Variants in PDCD1LG2 observed in about 807,000 individuals in gnomAD.
PDCD1LG2 encodes programmed cell death 1 ligand 2.
PDCD1LG2 carries 32 observed loss-of-function variants against 28.2 expected under a neutral mutation model. The ratio of observed to expected loss-of-function variants is 1.13; its 90% CI spans 0.86 to 1.52. PDCD1LG2 has a LOEUF of 1.52. Ranked by LOEUF, PDCD1LG2 falls within the 40% of genes most tolerant of loss-of-function variation. PDCD1LG2 has a pLI of 0.00. For synonymous variants in PDCD1LG2, 116 were observed against 120.2 expected (o/e 0.97, Z 0.23); for missense variants, 385 against 323.8 (o/e 1.19, Z -1.45).
chr9:5,522,063 C>T (rs1395336339), intron 1 of PDCD1LG2, among the ~76,000 whole-genome samples: 1 of 152,204 alleles, frequency 6.6e-6, no homozygotes, highest in Non-Finnish European at 1.5e-5. Context: ...GCTCAGTCAA[C>T]TAGCAAGTAT....
At chr9:5,537,022 C>G (rs1433778066) in intron 3 of PDCD1LG2, among the ~76,000 whole-genome samples, 1 of 152,192 alleles carries the variant, frequency 6.6e-6, no homozygotes, top group Non-Finnish European at 1.5e-5. Flanking sequence ...ACATTGACAC[C>G]TGATGGAACT....
intron 4 of PDCD1LG2, among the ~76,000 whole-genome samples, chr9:5,556,141 C>T (rs1367887458): frequency 6.6e-6 from 1 of 152,140 alleles, no homozygotes; most frequent in Non-Finnish European, 1.5e-5. Context: ...GGATGTTCAA[C>T]TTTGGAGTCT....
chr9:5,553,480 C>T (rs745585308), intron 4 of PDCD1LG2, among the ~76,000 whole-genome samples: 9 of 152,148 alleles, frequency 5.9e-5, no homozygotes, highest in Non-Finnish European at 1.0e-4. Context: ...AAAGACGCTT[C>T]TTATATAAGA....
In PDCD1LG2 at chr9:5,570,046, C is replaced by T. The variant is rs1286160423; in HGVS notation, c.*87C>T. 3 of 1,556,668 alleles carry T rather than the reference C, an allele frequency of 1.9e-6. No homozygotes were observed. The highest frequency in any genetic ancestry group is 1.7e-5 in the Admixed American group (1 of 57,932). ...AACAAGAATTCGGTGGCCTGCAGAG[C>T]TTGCCATTTGCACTTTTCAAATGCC... On this transcript the variant is annotated 3_prime_UTR_variant, in exon 7 of 7. Transcript: ENST00000397747.
intron 2 of PDCD1LG2, among the ~76,000 whole-genome samples, chr9:5,524,141 T>C (rs1025970313): frequency 3.9e-5 from 6 of 152,234 alleles, no homozygotes; most frequent in East Asian, 1.9e-4. Flanking sequence ...TTCACAATGA[T>C]CATTTTGCAG....
chr9:5,568,797 G>T (rs927707296), intron 6 of PDCD1LG2, among the ~76,000 whole-genome samples: 1 of 152,164 alleles, frequency 6.6e-6, no homozygotes, highest in African/African-American at 2.4e-5. Context: ...CTGTGCCCAT[G>T]AATTTTTAAT....
chr9:5,515,922 CAAA>C (rs1204038026), intron 1 of PDCD1LG2, among the ~76,000 whole-genome samples: 2,506 of 29,724 alleles, frequency 0.084, 12 homozygotes, highest in East Asian at 0.32. Flanking sequence ...GACTCCATCT[CAAA>C]AAAAAAAAAA....
At chr9:5,538,698 A>G (rs1239499387) in intron 3 of PDCD1LG2, among the ~76,000 whole-genome samples, 1 of 151,988 alleles carries the variant, frequency 6.6e-6, no homozygotes, top group Non-Finnish European at 1.5e-5. Flanking sequence ...AAAAAAAGAA[A>G]AAAAAAAAAA....
Position 5,553,843 on chromosome 9 carries a change from C to T in PDCD1LG2, c.632-3775C>T, listed in dbSNP as rs546518984. Among the ~76,000 whole-genome samples, 7 of 152,334 alleles carry T rather than the reference C, an allele frequency of 4.6e-5. No homozygotes were observed. In the South Asian group the frequency reaches 1.4e-3, roughly 32 times the overall value. ...ACCTGGTTTTACCCATCCTTCCCAA[C>T]TTTGTATTCGTCCTACTGTTTACTG... On this transcript the variant is annotated intron_variant, in intron 4 of 6. Transcript: ENST00000397747.
chr9:5,539,578 G>A (rs1820650372), intron 3 of PDCD1LG2, among the ~76,000 whole-genome samples: 1 of 152,214 alleles, frequency 6.6e-6, no homozygotes. Flanking sequence ...TGTGGTTTCT[G>A]AAAAGCCAGG....
At chr9:5,565,665 G>T (rs1377760256) in intron 6 of PDCD1LG2, among the ~76,000 whole-genome samples, 1 of 152,056 alleles carries the variant, frequency 6.6e-6, no homozygotes, top group African/African-American at 2.4e-5. Context: ...AATAAAGTGG[G>T]ATATTAGTGT....
At chr9:5,538,587 C>G (rs2129816797) in intron 3 of PDCD1LG2, among the ~76,000 whole-genome samples, 1 of 151,890 alleles carries the variant, frequency 6.6e-6, no homozygotes, top group South Asian at 2.1e-4. Context: ...ACTGGGGAGG[C>G]TGAGGCAGGA....
chr9:5,511,478 T>C (rs1426158920), intron 1 of PDCD1LG2, among the ~76,000 whole-genome samples: 1 of 152,112 alleles, frequency 6.6e-6, no homozygotes, highest in Non-Finnish European at 1.5e-5. Context: ...GTGGAGGGGA[T>C]GGAGGTGGAG....
At chr9:5,559,455 C>T (rs1816514400) in intron 5 of PDCD1LG2, among the ~76,000 whole-genome samples, 1 of 152,156 alleles carries the variant, frequency 6.6e-6, no homozygotes, top group South Asian at 2.1e-4. Context: ...GTGATGCAGA[C>T]AGAGCTTTAA....
chr9:5,546,592 C>G (rs1397800704), intron 3 of PDCD1LG2, among the ~76,000 whole-genome samples: 1 of 152,174 alleles, frequency 6.6e-6, no homozygotes, highest in Non-Finnish European at 1.5e-5. Flanking sequence ...TTATCTTCTA[C>G]TACTGCTGGG....
intron 4 of PDCD1LG2, among the ~76,000 whole-genome samples, chr9:5,551,229 G>A (rs1040784284): frequency 4.6e-5 from 7 of 152,182 alleles, no homozygotes; most frequent in Non-Finnish European, 8.8e-5. Context: ...TATACTCTCA[G>A]ACTAAAGGAC....
chr9:5,553,898 C>T (rs967208814), intron 4 of PDCD1LG2, among the ~76,000 whole-genome samples: 3 of 152,180 alleles, frequency 2.0e-5, no homozygotes, highest in Non-Finnish European at 4.4e-5. Flanking sequence ...TTAACCATCC[C>T]TTCCTCACCA....
chr9:5,566,182 C>G (rs1816662388), intron 6 of PDCD1LG2, among the ~76,000 whole-genome samples: 1 of 152,224 alleles, frequency 6.6e-6, no homozygotes, highest in South Asian at 2.1e-4. Flanking sequence ...GGGACTTAGC[C>G]TGGACATGTC....
intron 3 of PDCD1LG2, among the ~76,000 whole-genome samples, chr9:5,548,656 C>T (rs1327185488): frequency 1.3e-5 from 2 of 152,160 alleles, no homozygotes; most frequent in African/African-American, 2.4e-5. Flanking sequence ...TCAGCATATA[C>T]TGCAAAGAAG....
Sources: gnomAD v4.1 joint callset for allele counts (sites outside exome capture counted in the v4.1 genomes callset) on GRCh38, gnomAD v4.1.1 for gene constraint, MANE v1.5 for transcripts, NCBI Gene and HGNC (gene_info 2026-07-23, HGNC 2026-07-21) for gene names.